SESTD1: variants seen among roughly 807,000 people sequenced by gnomAD.
SESTD1 encodes the protein SEC14 and spectrin domain containing 1, also known as SEC14 domain and spectrin repeat-containing protein 1.
Under a neutral mutation model 101.7 loss-of-function variants are expected in SESTD1, and 43 were observed. The ratio of observed to expected loss-of-function variants is 0.42; its 90% CI spans 0.33 to 0.55. The LOEUF is 0.55. Among genes scored for constraint, SESTD1 ranks in the 20% least tolerant of loss-of-function variants. The probability of loss-of-function intolerance (pLI) is 0.07; values close to 1 mark genes in which losing one functional copy is unlikely to be tolerated. For synonymous variants in SESTD1, 283 were observed against 286.8 expected (o/e 0.99, Z 0.13); for missense variants, 647 against 815.1 (o/e 0.79, Z 2.51).
Position 179,107,468 on chromosome 2 carries a change from C to T in SESTD1, c.*2431G>A, listed in dbSNP as rs2044409003. The T allele has an allele frequency of 6.6e-6, 1 of 152,106 alleles. No homozygotes were observed. The highest frequency in any genetic ancestry group is 1.5e-5 in the Non-Finnish European group (1 of 67,996). The allele number at this position is 152,106 out of a possible 1,614,324, so 9.4% of individuals were successfully genotyped here. A position where few individuals can be genotyped will look rare whatever the true frequency, so the allele number is the denominator to read the frequency against. On this transcript the variant is annotated 3_prime_UTR_variant, in exon 18 of 18. Transcript: ENST00000428443. ...CATGAGTTGATGGCAGAATTACTAA[C>T]AAACCAGTTCCTTTCTAGCAAAGTC...
intron 2 of SESTD1, among the ~76,000 whole-genome samples, chr2:179,190,662 C>A (rs2046306408): frequency 2.0e-5 from 3 of 152,064 alleles, no homozygotes; most frequent in Admixed American, 2.0e-4. Context: ...TACCAAGAAT[C>A]CATAATGAAC....
At chr2:179,226,065 C>A (rs2046881312) in intron 1 of SESTD1, among the ~76,000 whole-genome samples, 1 of 152,024 alleles carries the variant, frequency 6.6e-6, no homozygotes, top group Non-Finnish European at 1.5e-5. Flanking sequence ...TGAAAAGGTC[C>A]ATAAAAATTT....
chr2:179,229,635 A>C (rs2046948168), intron 1 of SESTD1, among the ~76,000 whole-genome samples: 1 of 151,762 alleles, frequency 6.6e-6, no homozygotes, highest in Non-Finnish European at 1.5e-5. Flanking sequence ...CGGCGGTAAA[A>C]AGAAAATAAT....
intron 1 of SESTD1, among the ~76,000 whole-genome samples, chr2:179,251,480 T>C (rs901744850): frequency 2.0e-5 from 3 of 152,246 alleles, no homozygotes; most frequent in Non-Finnish European, 2.9e-5. Context: ...AGGTTCTGTC[T>C]AATCCAGACC....
At position 179,106,444 on chromosome 2, in the gene SESTD1, A is replaced by G. The variant is rs936421256; in HGVS notation, c.*3455T>C. On this transcript the variant is annotated 3_prime_UTR_variant, in exon 18 of 18. Transcript: ENST00000428443. ...TTCTGAACTATTTCTTCAAATGTAG[A>G]CCATAGATTCAGCTAACTTCATAAT... The G allele has an allele frequency of 1.3e-5, 2 of 152,186 alleles. No individual in the cohort carries two copies. Among genetic ancestry groups the G allele is most frequent in the African/African-American group, 4.8e-5 (2 of 41,454 alleles). 9.4% of individuals were successfully genotyped at this position (152,186 alleles called of 1,614,324 possible).
Position 179,108,296 on chromosome 2 carries a change from T to G in SESTD1, c.*1603A>C, listed in dbSNP as rs1399165132. 2 of 152,112 alleles carry G rather than the reference T, an allele frequency of 1.3e-5. No individual in the cohort carries two copies. The highest frequency in any genetic ancestry group is 4.8e-5 in the African/African-American group (2 of 41,416). The allele number at this position is 152,112 out of a possible 1,614,324, so 9.4% of individuals were successfully genotyped here. On this transcript the variant is annotated 3_prime_UTR_variant, in exon 18 of 18. Coordinates refer to ENST00000428443, the MANE Select transcript of SESTD1 (RefSeq NM_178123.5). ...TAGGGTTATGCGACTGTACTCACAGTTATTTCAGAGGATAGCATCTTCAAG... is the reference window on the plus strand; with the variant it reads ...TAGGGTTATGCGACTGTACTCACAGGTATTTCAGAGGATAGCATCTTCAAG...
chr2:179,116,099 C>A (rs1168727253), intron 15 of SESTD1, among the ~76,000 whole-genome samples: 2 of 151,962 alleles, frequency 1.3e-5, no homozygotes, highest in Non-Finnish European at 2.9e-5. Context: ...CATGGTGAAA[C>A]CCCATCTCTA....
At chr2:179,241,625 T>TAAA (rs35527564) in intron 1 of SESTD1, among the ~76,000 whole-genome samples, 1 of 150,510 alleles carries the variant, frequency 6.6e-6, no homozygotes, top group Admixed American at 6.6e-5. Context: ...CTCTCATCTT[T>TAAA]AAAAAAAAAA....
At chr2:179,222,200 C>T (rs1183781407) in intron 1 of SESTD1, among the ~76,000 whole-genome samples, 1 of 152,102 alleles carries the variant, frequency 6.6e-6, no homozygotes, top group African/African-American at 2.4e-5. Flanking sequence ...GATTCTGTTC[C>T]AAAGAGTTGT....
At chr2:179,110,167 T>C (rs778192229) in intron 17 of SESTD1, 139 bp from the exon 18 acceptor site, 2 of 792,496 alleles carry the variant, frequency 2.5e-6, no homozygotes, top group East Asian at 2.7e-5. Context: ...TCGGTGATCA[T>C]ACTGTTTGAG....
At chr2:179,141,364 T>A (rs1458530733) in intron 9 of SESTD1, among the ~76,000 whole-genome samples, 1 of 152,160 alleles carries the variant, frequency 6.6e-6, no homozygotes, top group Non-Finnish European at 1.5e-5. Context: ...CCTACTCCCA[T>A]CACTCTCCTT....
chr2:179,264,399 C>T (rs2047529174), intron 1 of SESTD1, 100 bp downstream of exon 1: 1 of 150,900 alleles, frequency 6.6e-6, no homozygotes, highest in Non-Finnish European at 1.5e-5. Context: ...AAGCCGGGCC[C>T]GCTACCGCCG....
intron 1 of SESTD1, among the ~76,000 whole-genome samples, chr2:179,204,156 AG>A (rs1422773000): frequency 7.4e-6 from 1 of 134,810 alleles, no homozygotes; most frequent in Non-Finnish European, 1.6e-5. Flanking sequence ...AGATGAAAAA[AG>A]AAAGAACTTT....
Position 179,151,349 on chromosome 2 carries a change from G to T in SESTD1, c.412C>A (p.Pro138Thr). 6.2e-7 allele frequency: 1 copy of T among 1,607,024 alleles called. No homozygotes were observed. Among genetic ancestry groups the T allele is most frequent in the Non-Finnish European group, 8.5e-7 (1 of 1,177,012 alleles). Residue 138 changes from proline to threonine, a missense_variant, in exon 6 of 18, where the codon CCA becomes ACA. Physicochemically the swap from Pro to Thr is conservative, Grantham distance 38 (BLOSUM62 -1). This residue lies in a region of SESTD1 where 168 missense variants were observed against 235.1 expected (regional missense o/e 0.71). Transcript: ENST00000428443. ...SANKLTRYIEPCQLTEDFGGS... is the reference protein window; with the variant it reads ...SANKLTRYIETCQLTEDFGGS... Reference sequence around the variant, plus strand: ...CCAAAATCTTCTGTTAATTGGCATGGTTCTATATAACGAGTCAATTTGTTG... The same window carrying T: ...CCAAAATCTTCTGTTAATTGGCATGTTTCTATATAACGAGTCAATTTGTTG...
Position 179,189,951 on chromosome 2 carries a change from T to C in SESTD1, c.55+1836A>G, listed in dbSNP as rs1284577152. 2.0e-5 allele frequency among the ~76,000 whole-genome samples: 3 copies of C among 151,974 alleles called. No individual in the cohort carries two copies. In the East Asian group the frequency reaches 5.8e-4, roughly 29 times the overall value. ...GTAATGGAAAAACATTCCATCGTCATATTTAAAATGTTAAAATGGCCATAC... is the reference window on the plus strand; with the variant it reads ...GTAATGGAAAAACATTCCATCGTCACATTTAAAATGTTAAAATGGCCATAC... On this transcript the variant is annotated intron_variant, in intron 2 of 17. Coordinates refer to ENST00000428443, the MANE Select transcript of SESTD1 (RefSeq NM_178123.5).
intron 7 of SESTD1, among the ~76,000 whole-genome samples, chr2:179,148,143 T>C (rs1265951426): frequency 6.6e-6 from 1 of 152,262 alleles, no homozygotes; most frequent in Non-Finnish European, 1.5e-5. Context: ...GTTAAAACTA[T>C]GATCTTACAC....
At chr2:179,144,664 A>G (rs530404669) in intron 8 of SESTD1, among the ~76,000 whole-genome samples, 5 of 152,144 alleles carry the variant, frequency 3.3e-5, no homozygotes, top group African/African-American at 9.6e-5. Flanking sequence ...CTTAAATTTA[A>G]ATGGCTTTCA....
At chr2:179,150,925 G>A (rs1277737545) in intron 6 of SESTD1, among the ~76,000 whole-genome samples, 1 of 152,170 alleles carries the variant, frequency 6.6e-6, no homozygotes, top group Non-Finnish European at 1.5e-5. Context: ...CTTATACAGT[G>A]CCACTATATC....
At chr2:179,226,571 TA>T (rs1450740341) in intron 1 of SESTD1, among the ~76,000 whole-genome samples, 1 of 152,170 alleles carries the variant, frequency 6.6e-6, no homozygotes, top group African/African-American at 2.4e-5. Flanking sequence ...GATATGTGCA[TA>T]GAAGTGGTTG....
Sources: allele counts gnomAD v4.1 joint callset (sites outside exome capture counted in the v4.1 genomes callset), GRCh38; gene constraint gnomAD v4.1.1; regional missense constraint gnomAD v4.1.1; transcripts MANE v1.5; gene names NCBI Gene and HGNC (gene_info 2026-07-23, HGNC 2026-07-21).